The following CADM2 variants were observed in gnomAD, a reference collection of about 807,000 sequenced individuals.
The protein encoded by CADM2 is cell adhesion molecule 2.
CADM2 carries 12 observed loss-of-function variants against 49.8 expected under a neutral mutation model. The observed-to-expected ratio is 0.24, with a 90% CI of 0.15 to 0.39. The LOEUF (loss-of-function observed/expected upper bound fraction) is 0.39, where lower values mean the gene tolerates loss of function less well. Ranked by LOEUF, CADM2 falls within the 10% of genes least tolerant of loss-of-function variation. The pLI is 1.00. For synonymous variants in CADM2, 214 were observed against 175.4 expected (o/e 1.22, Z -1.74); for missense variants, 378 against 492.3 (o/e 0.77, Z 2.20).
chr3:85,633,229 T>A (rs969139644), intron 1 of CADM2, among the ~76,000 whole-genome samples: 1 of 152,092 alleles, frequency 6.6e-6, no homozygotes, highest in Non-Finnish European at 1.5e-5. Context: ...TTGTGAGTGA[T>A]TTCTTATTTG....
chr3:85,747,306 A>G lies in CADM2; in HGVS notation c.88+20758A>G, dbSNP rs1055703857. On this transcript the variant is annotated intron_variant, in intron 2 of 9. Coordinates refer to ENST00000383699, the MANE Select transcript of CADM2 (RefSeq NM_001167675.2). The stretch of plus-strand genomic sequence containing the variant: ...ATTAAATAATTTCTTAAAATTAGAA[A>G]TTAATTTGTTTTATGATCACCTATG... Among the ~76,000 whole-genome samples, 3 of 152,156 alleles carry G rather than the reference A, an allele frequency of 2.0e-5. No homozygotes were observed. The East Asian group carries it at 5.8e-4, about 29-fold the overall frequency.
chr3:86,012,761 G>A (rs1731697532), intron 8 of CADM2: 1 of 674,696 alleles, frequency 1.5e-6, no homozygotes, highest in African/African-American at 1.8e-5. Flanking sequence ...AGGCCGAGGA[G>A]GTCAGCAGAT....
chr3:85,054,117 T>C (rs897676560), intron 1 of CADM2, among the ~76,000 whole-genome samples: 2 of 151,744 alleles, frequency 1.3e-5, no homozygotes, highest in South Asian at 4.2e-4. Flanking sequence ...ATAATAAAGG[T>C]TCTTTGAATT....
At chr3:85,761,672 G>A (rs1365666386) in intron 2 of CADM2, among the ~76,000 whole-genome samples, 1 of 152,046 alleles carries the variant, frequency 6.6e-6, no homozygotes, top group African/African-American at 2.4e-5. Context: ...ACCACGCCTG[G>A]CCACAAAACT....
intron 1 of CADM2, among the ~76,000 whole-genome samples, chr3:85,300,930 G>C (rs2044082533): frequency 6.6e-6 from 1 of 152,004 alleles, no homozygotes; most frequent in South Asian, 2.1e-4. Context: ...ATAGTAGGGA[G>C]AAAGTAGGAA....
intron 1 of CADM2, among the ~76,000 whole-genome samples, chr3:85,624,005 T>G (rs1213343871): frequency 6.6e-6 from 1 of 152,142 alleles, no homozygotes; most frequent in African/African-American, 2.4e-5. Flanking sequence ...AATTGATGAT[T>G]GTCAGAAATG....
At chr3:85,155,728 A>C (rs557175262) in intron 1 of CADM2, among the ~76,000 whole-genome samples, 5 of 152,214 alleles carry the variant, frequency 3.3e-5, no homozygotes, top group African/African-American at 1.2e-4. Flanking sequence ...AACTGAAATT[A>C]TAACAAACTA....
intron 1 of CADM2, among the ~76,000 whole-genome samples, chr3:85,145,606 A>G (rs2039714800): frequency 6.6e-6 from 1 of 152,054 alleles, no homozygotes; most frequent in African/African-American, 2.4e-5. Flanking sequence ...GACCATAAAT[A>G]TTTTATGTAG....
intron 1 of CADM2, among the ~76,000 whole-genome samples, chr3:85,207,953 A>T (rs1319253305): frequency 6.6e-6 from 1 of 152,128 alleles, no homozygotes; most frequent in Non-Finnish European, 1.5e-5. Flanking sequence ...TATTGCAGTT[A>T]GATACATGTA....
Position 84,959,575 on chromosome 3 carries a change from T to C in CADM2, c.-33T>C, listed in dbSNP as rs975320546. The C allele has an allele frequency of 4.6e-6, 7 of 1,534,160 alleles. No homozygotes were observed. The African/African-American group carries it at 8.2e-5, about 18-fold the overall frequency. On this transcript the variant is annotated 5_prime_UTR_variant, in exon 1 of 10. Transcript: ENST00000383699. ...CGCTCACCAGCATCTACTTGCCCCC[T>C]CGTTCCTTCCCCAGCCCTTTAGAGA...
intron 1 of CADM2, among the ~76,000 whole-genome samples, chr3:85,155,949 A>C (rs1241027259): frequency 6.6e-6 from 1 of 152,204 alleles, no homozygotes; most frequent in African/African-American, 2.4e-5. Flanking sequence ...CAGTGTGTAG[A>C]GGGAAATTTA....
intron 1 of CADM2, among the ~76,000 whole-genome samples, chr3:85,086,182 A>T (rs1242097513): frequency 6.6e-6 from 1 of 152,170 alleles, no homozygotes; most frequent in Non-Finnish European, 1.5e-5. Flanking sequence ...CTGCTACTAA[A>T]AATTCTCAAG....
At chr3:85,563,411 T>TTGGGG (rs1553742867) in intron 1 of CADM2, among the ~76,000 whole-genome samples, 1 of 142,044 alleles carries the variant, frequency 7.0e-6, no homozygotes, top group African/African-American at 2.5e-5. Context: ...TGTGTGTGTG[T>TTGGGG]GGGGGGGTGG....
intron 1 of CADM2, among the ~76,000 whole-genome samples, chr3:85,633,461 A>G (rs558183385): frequency 2.0e-5 from 3 of 152,138 alleles, no homozygotes; most frequent in East Asian, 1.9e-4. Flanking sequence ...GAATATGTCA[A>G]TGGTGCTCAA....
intron 1 of CADM2, among the ~76,000 whole-genome samples, chr3:85,688,415 A>G (rs1455091374): frequency 6.6e-6 from 1 of 152,090 alleles, no homozygotes; most frequent in Non-Finnish European, 1.5e-5. Flanking sequence ...ACATCACTAC[A>G]TATCTGTTGT....
rs529755989 is a variant in CADM2 at position 85,696,327 on chromosome 3, G to A, written c.62-30195G>A. Among the ~76,000 whole-genome samples, 3 of 152,000 alleles carry A rather than the reference G, an allele frequency of 2.0e-5. No individual in the cohort carries two copies. The East Asian group carries it at 5.8e-4, about 29-fold the overall frequency. On this transcript the variant is annotated intron_variant, in intron 1 of 9. Coordinates refer to ENST00000383699, the MANE Select transcript of CADM2 (RefSeq NM_001167675.2). The stretch of plus-strand genomic sequence containing the variant: ...ATATTTGCTTTTGTGTTCCTAGTTA[G>A]AATTTCTTTGCCTAGGCCAATGTCC...
chr3:85,231,887 T>C (rs892343325), intron 1 of CADM2, among the ~76,000 whole-genome samples: 36 of 150,566 alleles, frequency 2.4e-4, no homozygotes, highest in Non-Finnish European at 5.0e-4. Context: ...AATTTTTGTA[T>C]TTTTTTTAGT....
intron 1 of CADM2, among the ~76,000 whole-genome samples, chr3:85,087,666 A>G (rs796987174): frequency 3.9e-5 from 6 of 152,298 alleles, no homozygotes; most frequent in African/African-American, 1.4e-4. Flanking sequence ...TTGATGAATG[A>G]GCTTTATATC....
At chr3:85,931,568 AC>A (rs1349762095) in intron 6 of CADM2, among the ~76,000 whole-genome samples, 1 of 152,220 alleles carries the variant, frequency 6.6e-6, no homozygotes, top group Non-Finnish European at 1.5e-5. Context: ...AGAACATTAC[AC>A]AAAGGTGAAA....
Sources: gnomAD v4.1 joint callset for allele counts (sites outside exome capture counted in the v4.1 genomes callset) on GRCh38, gnomAD v4.1.1 for gene constraint, MANE v1.5 for transcripts, NCBI Gene and HGNC (gene_info 2026-07-23, HGNC 2026-07-21) for gene names.